The following UNC13A variants were observed in gnomAD, a reference collection of about 807,000 sequenced individuals.
UNC13A encodes the protein unc-13 homolog A.
Under a neutral mutation model 219.7 loss-of-function variants are expected in UNC13A, and 61 were observed. The ratio of observed to expected loss-of-function variants is 0.28; its 90% CI spans 0.23 to 0.34. UNC13A has a LOEUF of 0.34. Among genes scored for constraint, UNC13A ranks in the 10% least tolerant of loss-of-function variants. The pLI is 1.00. For synonymous variants in UNC13A, 920 were observed against 884.6 expected (o/e 1.04, Z -0.71); for missense variants, 1,476 against 2,270.3 (o/e 0.65, Z 7.11).
rs938670057 is a variant in UNC13A, at chr19:17,633,222, T to C, written c.3216-29A>G. On this transcript the variant is annotated intron_variant, in intron 26 of 43. Transcript: ENST00000519716. ...GCAAAGTCATGGAAGTATAAAACTT[T>C]GGCAGGCAGAAGGCAGATGGGATGG... 6.2e-6 allele frequency: 10 copies of C among 1,611,050 alleles called. No individual in the cohort carries two copies. The East Asian group carries it at 1.8e-4, about 29-fold the overall frequency.
chr19:17,615,055 C>A (rs55681926), intron 41 of UNC13A, among the ~76,000 whole-genome samples: 27,328 of 152,158 alleles, frequency 0.18, 3,172 homozygotes, highest in Non-Finnish European at 0.26. Flanking sequence ...TCCAACCCCA[C>A]TCCCCACTCC....
Position 17,668,201 on chromosome 19 carries a change from A to G in UNC13A, c.395-11T>C. The G allele has an allele frequency of 6.2e-7, 1 of 1,612,578 alleles. No homozygotes were observed. The highest frequency in any genetic ancestry group is 8.5e-7 in the Non-Finnish European group (1 of 1,179,244). ...CCTCTTCAGGAATGTCTGCAAGCAG[A>G]GCCCTGTCTGTGAGCCTGGAAGACC... On this transcript the variant is annotated splice_polypyrimidine_tract_variant and intron_variant, in intron 5 of 43. Transcript: ENST00000519716.
chr19:17,642,770 C>T (rs116961973), intron 20 of UNC13A, 75 bp downstream of exon 20: 24,770 of 1,310,068 alleles, frequency 0.019, 272 homozygotes, highest in Non-Finnish European at 0.021. Flanking sequence ...ATGGTGTGGC[C>T]AGAAAGAGGA....
chr19:17,669,039 TCC>T (rs567064503), intron 5 of UNC13A, among the ~76,000 whole-genome samples: 5 of 151,250 alleles, frequency 3.3e-5, no homozygotes, highest in African/African-American at 4.9e-5. Flanking sequence ...CAAATGATCC[TCC>T]CCCCTTGGCC....
chr19:17,624,755 C>G (rs535043758), intron 35 of UNC13A, 74 bp downstream of exon 35: 1 of 1,533,080 alleles, frequency 6.5e-7, no homozygotes, highest in East Asian at 2.3e-5. Flanking sequence ...CCCCCAGCCT[C>G]TAGGCACCAA....
At chr19:17,677,369 C>CT (rs1280178035) in intron 1 of UNC13A, among the ~76,000 whole-genome samples, 303 of 89,278 alleles carry the variant, frequency 3.4e-3, no homozygotes, top group South Asian at 7.5e-3. Context: ...TTTTTTTTTT[C>CT]TTTTTTTTTT....
intron 41 of UNC13A, chr19:17,614,285 G>A (rs1033857222): frequency 6.6e-6 from 1 of 152,240 alleles, no homozygotes; most frequent in Admixed American, 6.5e-5. Context: ...GGGATTACAG[G>A]CATGCACCAC....
chr19:17,607,232 C>G (rs1394168297), intron 43 of UNC13A, among the ~76,000 whole-genome samples: 1 of 152,086 alleles, frequency 6.6e-6, no homozygotes, highest in Admixed American at 6.6e-5. Flanking sequence ...CTCTGATTTA[C>G]CCTTACCCCT....
chr19:17,642,354 TCATC>T (rs775873686), intron 20 of UNC13A, among the ~76,000 whole-genome samples: 3 of 152,108 alleles, frequency 2.0e-5, no homozygotes, highest in African/African-American at 4.8e-5. Flanking sequence ...CATCCATCCA[TCATC>T]CATCTAGCCA....
At chr19:17,620,043 G>C (rs2076711259) in intron 38 of UNC13A, among the ~76,000 whole-genome samples, 1 of 152,246 alleles carries the variant, frequency 6.6e-6, no homozygotes, top group Non-Finnish European at 1.5e-5. Context: ...TGCTAAGGGA[G>C]ACGGGGTCCC....
At chr19:17,681,523 T>G (rs1254933512) in intron 1 of UNC13A, among the ~76,000 whole-genome samples, 1 of 152,130 alleles carries the variant, frequency 6.6e-6, no homozygotes, top group African/African-American at 2.4e-5. Context: ...TTGACACAAA[T>G]AGACCAGAGC....
chr19:17,630,801 C>T (rs1245846482), intron 28 of UNC13A, 51 bp from the exon 29 acceptor site: 4 of 1,553,138 alleles, frequency 2.6e-6, no homozygotes, highest in East Asian at 4.5e-5. Flanking sequence ...CCTCCTCAAC[C>T]TCTGCGCCGC....
chr19:17,609,899 C>G (rs1229438175), intron 43 of UNC13A, 41 bp downstream of exon 43: 1 of 1,607,076 alleles, frequency 6.2e-7, no homozygotes, highest in African/African-American at 1.3e-5. Context: ...GCGGATGCCC[C>G]CTCCCTTGCC....
In UNC13A at chr19:17,603,733, C is replaced by G. The variant is rs1009465765; in HGVS notation, c.*2321G>C. ...ACGTGGCCTTCTTAGCAATGCCAAA[C>G]CCTTGGGCACTGTGCAACTGGGACA... On this transcript the variant is annotated 3_prime_UTR_variant, in exon 44 of 44. Transcript: ENST00000519716. 6.6e-6 allele frequency: 1 copy of G among 152,062 alleles called. No homozygotes were observed. The highest frequency in any genetic ancestry group is 1.5e-5 in the Non-Finnish European group (1 of 68,042). The allele number at this position is 152,062 out of a possible 1,614,324, so 9.4% of individuals were successfully genotyped here.
At chr19:17,635,747 AATT>A (rs1222779810) in intron 26 of UNC13A, among the ~76,000 whole-genome samples, 7 of 152,214 alleles carry the variant, frequency 4.6e-5, no homozygotes, top group African/African-American at 1.7e-4. Flanking sequence ...ACACATAAAA[AATT>A]ATACACATAT....
Position 17,604,777 on chromosome 19 carries a change from T to TC in UNC13A, c.*1276dup, listed in dbSNP as rs1268167000. 3 of 152,286 alleles carry TC rather than the reference T, an allele frequency of 2.0e-5. No individual in the cohort carries two copies. The highest frequency in any genetic ancestry group is 7.2e-5 in the African/African-American group (3 of 41,448). The allele number at this position is 152,286 out of a possible 1,614,324, so 9.4% of individuals were successfully genotyped here. ...GAGCTTCCAGCTGGCAAGAGGGCCATCTGAGGTATCCTGTGGCTTGGGTGT... is the reference window on the plus strand; with the variant it reads ...GAGCTTCCAGCTGGCAAGAGGGCCATCCTGAGGTATCCTGTGGCTTGGGTGT... On this transcript the variant is annotated 3_prime_UTR_variant, in exon 44 of 44. Coordinates refer to ENST00000519716, the MANE Select transcript of UNC13A (RefSeq NM_001080421.3).
rs2079850094 is a variant in UNC13A at position 17,674,134 on chromosome 19, T to G, written c.152+523A>C. ...TGAGGAGGTGACACAAGCTGAGACC[T>G]GAAGGAGAAGAGCCAGCTGGGGACA... On this transcript the variant is annotated intron_variant, in intron 3 of 43. Transcript: ENST00000519716. The surrounding 1 kb of genome is among the most constrained non-coding windows in gnomAD (Gnocchi z 5.0). 2.0e-5 allele frequency among the ~76,000 whole-genome samples: 3 copies of G among 152,082 alleles called. No homozygotes were observed. The highest frequency in any genetic ancestry group is 1.3e-4 in the Admixed American group (2 of 15,276).
intron 42 of UNC13A, 55 bp downstream of exon 42, chr19:17,611,708 G>C (rs1411066940): frequency 1.4e-5 from 21 of 1,502,258 alleles, no homozygotes; most frequent in African/African-American, 2.8e-5. Context: ...AAGCCAGTTT[G>C]AGTTTGGTTT....
At chr19:17,662,518 G>C (rs2079568157) in intron 8 of UNC13A, among the ~76,000 whole-genome samples, 1 of 152,116 alleles carries the variant, frequency 6.6e-6, no homozygotes, top group Non-Finnish European at 1.5e-5. Context: ...CAGTGAACTT[G>C]AATCATCCAG....
Sources: allele counts gnomAD v4.1 joint callset (sites outside exome capture counted in the v4.1 genomes callset), GRCh38; gene constraint gnomAD v4.1.1; non-coding constraint Gnocchi (gnomAD v3.1); transcripts MANE v1.5; gene names NCBI Gene and HGNC (gene_info 2026-07-23, HGNC 2026-07-21).